The following RTN1 variants were observed in gnomAD, a reference collection of about 807,000 sequenced individuals.
RTN1 encodes the protein reticulon 1.
A neutral mutation model predicts 65.5 loss-of-function variants in RTN1; 25 were observed. The observed-to-expected ratio is 0.38, with a 90% CI of 0.28 to 0.53. RTN1 has a LOEUF of 0.53. Ranked by LOEUF, RTN1 falls within the 20% of genes least tolerant of loss-of-function variation. RTN1 has a pLI of 0.79. For missense variants in RTN1, 983 were observed against 1,025.4 expected (o/e 0.96, Z 0.57); for synonymous variants, 471 against 447.6 (o/e 1.05, Z -0.66).
chr14:59,672,357 C>T (rs981939817), intron 3 of RTN1, among the ~76,000 whole-genome samples: 2 of 152,146 alleles, frequency 1.3e-5, no homozygotes, highest in Non-Finnish European at 2.9e-5. Context: ...GATGTTACTC[C>T]AGCTTGAACA....
intron 3 of RTN1, among the ~76,000 whole-genome samples, chr14:59,683,741 C>T (rs1883789112): frequency 6.6e-6 from 1 of 152,044 alleles, no homozygotes; most frequent in Admixed American, 6.6e-5. Context: ...CTCTTATTTC[C>T]TTAGTATCTT....
At chr14:59,723,819 T>C (rs922784790) in intron 3 of RTN1, among the ~76,000 whole-genome samples, 3 of 152,114 alleles carry the variant, frequency 2.0e-5, no homozygotes, top group African/African-American at 7.2e-5. Context: ...TTGAGTTGCA[T>C]GATAAGTAAT....
chr14:59,854,926 C>T (rs919135753), intron 1 of RTN1, among the ~76,000 whole-genome samples: 9 of 152,166 alleles, frequency 5.9e-5, no homozygotes, highest in Admixed American at 5.2e-4. Context: ...TATAGAAATG[C>T]TTGTTTCATA....
intron 1 of RTN1, among the ~76,000 whole-genome samples, chr14:59,826,387 T>C (rs983178663): frequency 2.6e-5 from 4 of 152,202 alleles, no homozygotes; most frequent in African/African-American, 7.2e-5. Flanking sequence ...ACTTGGCACA[T>C]TGTAAGCACT....
chr14:59,718,194 T>A (rs959114049), intron 3 of RTN1, among the ~76,000 whole-genome samples: 3 of 152,164 alleles, frequency 2.0e-5, no homozygotes, highest in African/African-American at 7.2e-5. Context: ...CCTAGGTCAC[T>A]TAAAATCCAG....
At chr14:59,720,029 T>G (rs2139466396) in intron 3 of RTN1, among the ~76,000 whole-genome samples, 1 of 152,320 alleles carries the variant, frequency 6.6e-6, no homozygotes, top group South Asian at 2.1e-4. Context: ...CCCTACTGCA[T>G]GCCCAAACCA....
At chr14:59,847,517 G>T (rs1887431194) in intron 1 of RTN1, among the ~76,000 whole-genome samples, 1 of 152,090 alleles carries the variant, frequency 6.6e-6, no homozygotes, top group Non-Finnish European at 1.5e-5. Context: ...GTTTTGTTTT[G>T]CTCATGTGGG....
intron 1 of RTN1, among the ~76,000 whole-genome samples, chr14:59,850,853 G>C (rs1207870807): frequency 6.6e-6 from 1 of 152,182 alleles, no homozygotes. Flanking sequence ...ATGTGCAAAG[G>C]GGGTGGGATC....
rs1216483709 is a variant in RTN1 at position 59,727,527 on chromosome 14, A to G, written c.1157T>C (p.Val386Ala). The G allele has an allele frequency of 6.2e-7, 1 of 1,605,632 alleles. No homozygotes were observed. Among genetic ancestry groups the G allele is most frequent in the Non-Finnish European group, 8.5e-7 (1 of 1,177,356 alleles). The part of the protein sequence containing the change: ...PVGQLADRPE[V>A]KARSGPPTIP... ...GGTTGGCGGTCCGGACCTGGCCTTG[A>G]CCTCGGGCCTGTCGGCCAGCTGGCC... Residue 386 changes from valine to alanine, a missense_variant, in exon 3 of 9, where the codon GTC becomes GCC. This residue lies in a region of RTN1 where 818 missense variants were observed against 801.8 expected (regional missense o/e 1.02). Transcript: ENST00000267484. The surrounding 1 kb of genome is among the most constrained non-coding windows in gnomAD (Gnocchi z 4.2).
chr14:59,693,936 C>T (rs1296032951), intron 3 of RTN1, among the ~76,000 whole-genome samples: 3 of 152,196 alleles, frequency 2.0e-5, no homozygotes, highest in Non-Finnish European at 2.9e-5. Flanking sequence ...TGCTGCTCCA[C>T]GGCAGCACAT....
At chr14:59,606,125 T>TATATATATATATATATATATAAAA (rs1345665820) in intron 4 of RTN1, 1 of 111,466 alleles carries the variant, frequency 9.0e-6, no homozygotes, top group African/African-American at 3.8e-5. Flanking sequence ...TATATATATA[T>TATATATATATATATATATATAAAA]ATCATACCAG....
intron 3 of RTN1, among the ~76,000 whole-genome samples, chr14:59,634,398 A>T (rs1782212731): frequency 6.6e-6 from 1 of 152,234 alleles, no homozygotes; most frequent in African/African-American, 2.4e-5. Flanking sequence ...CATATGGAAT[A>T]AGGAAATTTT....
At chr14:59,596,989 C>T (rs1021896643) in intron 8 of RTN1, among the ~76,000 whole-genome samples, 1 of 151,898 alleles carries the variant, frequency 6.6e-6, no homozygotes, top group East Asian at 1.9e-4. Flanking sequence ...ATAACAGCAA[C>T]AAAAAAGAGA....
chr14:59,671,912 A>G (rs1308165071), intron 3 of RTN1, among the ~76,000 whole-genome samples: 1 of 152,236 alleles, frequency 6.6e-6, no homozygotes, highest in Non-Finnish European at 1.5e-5. Flanking sequence ...CCCACAAAAC[A>G]AAAACAAGAA....
chr14:59,737,462 G>A lies in RTN1; in HGVS notation c.1015+8246C>T, dbSNP rs138626641. On this transcript the variant is annotated intron_variant, in intron 2 of 8. Transcript: ENST00000267484. ...TAGGAATACAGCTAACAAGGGATGT[G>A]AAGGACCTCTTCAAGGGGAACTACA... is the stretch of plus-strand genomic sequence containing the variant. 9.8e-3 allele frequency among the ~76,000 whole-genome samples: 1,493 copies of A among 152,260 alleles called. 11 individuals are homozygous for A. Among genetic ancestry groups the A allele is most frequent in the Non-Finnish European group, 0.014 (975 of 68,008 alleles).
intron 2 of RTN1, among the ~76,000 whole-genome samples, chr14:59,743,116 A>G (rs1885145716): frequency 6.6e-6 from 1 of 152,208 alleles, no homozygotes; most frequent in Non-Finnish European, 1.5e-5. Context: ...CTGCAGAGAC[A>G]ATCATTGTCC....
chr14:59,618,622 T>C (rs923358980), intron 3 of RTN1, among the ~76,000 whole-genome samples: 3 of 152,228 alleles, frequency 2.0e-5, no homozygotes, highest in African/African-American at 7.2e-5. Flanking sequence ...GGTGAACCCC[T>C]TGGGCAGTTA....
intron 1 of RTN1, among the ~76,000 whole-genome samples, chr14:59,757,606 A>T (rs1885665812): frequency 1.3e-5 from 2 of 152,142 alleles, no homozygotes; most frequent in Non-Finnish European, 2.9e-5. Flanking sequence ...AGCCCTCATA[A>T]ATGGGATTAG....
intron 1 of RTN1, among the ~76,000 whole-genome samples, chr14:59,765,988 G>A (rs1206587611): frequency 6.6e-6 from 1 of 152,198 alleles, no homozygotes; most frequent in Non-Finnish European, 1.5e-5. Context: ...CCAGCACTTT[G>A]GGAGGCCTAG....
Sources: gnomAD v4.1 joint callset for allele counts (sites outside exome capture counted in the v4.1 genomes callset) on GRCh38, gnomAD v4.1.1 for gene constraint, gnomAD v4.1.1 regional missense constraint, Gnocchi (gnomAD v3.1) non-coding constraint, MANE v1.5 for transcripts, NCBI Gene and HGNC (gene_info 2026-07-23, HGNC 2026-07-21) for gene names.